Variants in CCDC50 observed in about 807,000 individuals in gnomAD.
The protein encoded by CCDC50 is coiled-coil domain containing 50.
In CCDC50, 54 loss-of-function variants were observed where a neutral mutation model predicts 70.2. That is an observed-to-expected ratio of 0.77 (90% CI 0.62 to 0.96). The LOEUF is 0.96. CCDC50 is among the 50% of genes least tolerant of loss of function. The pLI, the probability that CCDC50 is intolerant of heterozygous loss-of-function variation, is 0.00. For missense variants in CCDC50, 558 were observed against 578.7 expected, an observed-to-expected ratio of 0.96 and a Z score of 0.37; for synonymous variants, 216 against 198.8, an observed-to-expected ratio of 1.09 and a Z score of -0.73.
intron 1 of CCDC50, among the ~76,000 whole-genome samples, chr3:191,336,929 A>T (rs1433370126): frequency 6.6e-6 from 1 of 152,238 alleles, no homozygotes; most frequent in Non-Finnish European, 1.5e-5. Flanking sequence ...ATAGCAAGGT[A>T]GCTCAGGATG....
At position 191,396,862 on chromosome 3, in the gene CCDC50, T is replaced by TA. The variant is rs1713877399; in HGVS notation, c.*5107dup. On this transcript the variant is annotated 3_prime_UTR_variant, in exon 12 of 12. Coordinates refer to ENST00000392455, the MANE Select transcript of CCDC50 (RefSeq NM_178335.3). ...GTTGAGTTGTAGAAATATATGGCCC[T>TA]AAAAACCATTCTCTTTCCCTTATAT... 6.6e-6 allele frequency: 1 copy of TA among 152,154 alleles called. No homozygotes were observed. The highest frequency in any genetic ancestry group is 2.1e-4 in the South Asian group (1 of 4,832). The allele number at this position is 152,154 out of a possible 1,614,324, so 9.4% of individuals were successfully genotyped here.
chr3:191,335,447 A>T (rs1166713264), intron 1 of CCDC50, among the ~76,000 whole-genome samples: 1 of 152,182 alleles, frequency 6.6e-6, no homozygotes, highest in African/African-American at 2.4e-5. Flanking sequence ...TACAAAGGAT[A>T]ATTAGTTTTT....
chr3:191,367,458 C>A (rs147708920), intron 4 of CCDC50, among the ~76,000 whole-genome samples: 1 of 151,894 alleles, frequency 6.6e-6, no homozygotes, highest in African/African-American at 2.4e-5. Context: ...CTCTTTTCTC[C>A]GAATGTTAAA....
chr3:191,385,778 T>C (rs1713472718), intron 10 of CCDC50, among the ~76,000 whole-genome samples: 1 of 152,174 alleles, frequency 6.6e-6, no homozygotes, highest in Non-Finnish European at 1.5e-5. Context: ...ATTTTTATAG[T>C]TTAAGGTCTT....
chr3:191,390,008 G>GTGC (rs1372396235), intron 11 of CCDC50, among the ~76,000 whole-genome samples: 1 of 150,466 alleles, frequency 6.6e-6, no homozygotes, highest in Non-Finnish European at 1.5e-5. Context: ...TTACAGACAT[G>GTGC]TGCCACCACA....
At position 191,358,084 on chromosome 3, in the gene CCDC50, C is replaced by G. The variant is rs1459433782; in HGVS notation, c.199C>G (p.Leu67Val). The G allele has an allele frequency of 1.2e-6, 2 of 1,613,976 alleles. No homozygotes were observed. The highest frequency in any genetic ancestry group is 2.2e-5 in the East Asian group (1 of 44,876). ...QVAKQLQEED[L>V]KAQAQLQKRY... The stretch of plus-strand genomic sequence containing the variant: ...GGCTAAGCAGCTCCAAGAGGAAGAT[C>G]TGAAAGCGCAGGCCCAGCTCCAGAA... Residue 67 changes from leucine to valine, a missense_variant, in exon 3 of 12, where the codon CTG becomes GTG. Transcript: ENST00000392455.
rs113524013 is a variant in CCDC50 at position 191,339,024 on chromosome 3, G to A, written c.49+9301G>A. 3.9e-4 allele frequency among the ~76,000 whole-genome samples: 59 copies of A among 152,248 alleles called. No homozygotes were observed. The East Asian group carries it at 8.9e-3, about 23-fold the overall frequency. ...TTTTAAATTTATTTTTAGATAAAGGGGGGAAGGCTCTTACACAGTTTAAAC... is the reference window on the plus strand; with the variant it reads ...TTTTAAATTTATTTTTAGATAAAGGAGGGAAGGCTCTTACACAGTTTAAAC... On this transcript the variant is annotated intron_variant, in intron 1 of 11. Coordinates refer to ENST00000392455, the MANE Select transcript of CCDC50 (RefSeq NM_178335.3).
intron 10 of CCDC50, among the ~76,000 whole-genome samples, chr3:191,384,548 G>T (rs1184973963): frequency 6.6e-6 from 1 of 152,174 alleles, no homozygotes; most frequent in Non-Finnish European, 1.5e-5. Context: ...TAGTAGTAGT[G>T]AGACACAAAT....
chr3:191,377,201 C>G (rs780021240), intron 6 of CCDC50, among the ~76,000 whole-genome samples: 2 of 152,158 alleles, frequency 1.3e-5, no homozygotes, highest in Non-Finnish European at 2.9e-5. Context: ...CCCCCGTAGG[C>G]ATTTGATTTT....
chr3:191,342,232 T>C (rs16866491), intron 1 of CCDC50, among the ~76,000 whole-genome samples: 13,024 of 152,308 alleles, frequency 0.086, 644 homozygotes, highest in East Asian at 0.21. Flanking sequence ...AGAATGGAAT[T>C]GCCAGTATTG....
intron 1 of CCDC50, among the ~76,000 whole-genome samples, chr3:191,333,267 A>C (rs1718047386): frequency 6.6e-6 from 1 of 152,224 alleles, no homozygotes. Flanking sequence ...CTGTAAAAGG[A>C]AACATACCTA....
At chr3:191,358,266 A>G in intron 3 of CCDC50, 142 bp downstream of exon 3, 1 of 1,131,680 alleles carries the variant, frequency 8.8e-7, no homozygotes, top group Non-Finnish European at 1.3e-6. Context: ...TGGATGTCTA[A>G]CAGTTTTTTT....
chr3:191,387,903 T>C (rs1347880108), intron 10 of CCDC50, among the ~76,000 whole-genome samples: 2 of 152,134 alleles, frequency 1.3e-5, no homozygotes, highest in African/African-American at 4.8e-5. Context: ...CCCTGTTTTC[T>C]TGGGCCTGAG....
chr3:191,354,415 G>A (rs1712207083), intron 1 of CCDC50, among the ~76,000 whole-genome samples: 1 of 152,178 alleles, frequency 6.6e-6, no homozygotes, highest in South Asian at 2.1e-4. Context: ...TTAATGTTCT[G>A]CTGACTGAAG....
In CCDC50 at chr3:191,358,155, C is replaced by G. The variant is rs751921244; in HGVS notation, c.239+31C>G. On this transcript the variant is annotated intron_variant, in intron 3 of 11. Transcript: ENST00000392455. Reference sequence around the variant, plus strand: ...GATTTGGGAGGTGGGAGGGGTGATGCAAGACTGGTTTTCTCTGTGGAGCTA... The same window carrying G: ...GATTTGGGAGGTGGGAGGGGTGATGGAAGACTGGTTTTCTCTGTGGAGCTA... The G allele has an allele frequency of 6.2e-6, 10 of 1,613,112 alleles. No homozygotes were observed. The South Asian group carries it at 8.8e-5, about 14-fold the overall frequency.
At position 191,392,112 on chromosome 3, in the gene CCDC50, T is replaced by A; in HGVS notation, c.*352T>A. The A allele has an allele frequency of 4.6e-6, 1 of 216,678 alleles. No homozygotes were observed. The highest frequency in any genetic ancestry group is 9.3e-6 in the Non-Finnish European group (1 of 107,944). 13.4% of individuals were successfully genotyped at this position (216,678 alleles called of 1,614,324 possible). A position where few individuals can be genotyped will look rare whatever the true frequency, so the allele number is the denominator to read the frequency against. ...ATTCAAATTTTATGGAGATGAATGA[T>A]CAAAGTGAAACAATGTTTGGATGCA... On this transcript the variant is annotated 3_prime_UTR_variant, in exon 12 of 12. Transcript: ENST00000392455.
At chr3:191,361,652 T>C (rs763545035) in intron 4 of CCDC50, among the ~76,000 whole-genome samples, 17 of 152,216 alleles carry the variant, frequency 1.1e-4, no homozygotes, top group Admixed American at 7.9e-4. Flanking sequence ...TCTTCTTGTC[T>C]TCCTGCAAGG....
chr3:191,375,899 G>T (rs1161545911), intron 6 of CCDC50, among the ~76,000 whole-genome samples: 3 of 151,950 alleles, frequency 2.0e-5, no homozygotes, highest in Non-Finnish European at 4.4e-5. Context: ...GTGTATCAGA[G>T]ATTCTGATAC....
chr3:191,346,448 A>G (rs1481236571), intron 1 of CCDC50, among the ~76,000 whole-genome samples: 1 of 152,204 alleles, frequency 6.6e-6, no homozygotes, highest in Non-Finnish European at 1.5e-5. Context: ...AGTATTTCAA[A>G]TATAGTCAGG....
Sources: allele counts gnomAD v4.1 joint callset (sites outside exome capture counted in the v4.1 genomes callset), GRCh38; gene constraint gnomAD v4.1.1; transcripts MANE v1.5; gene names NCBI Gene and HGNC (gene_info 2026-07-23, HGNC 2026-07-21).